The following TMEM168 variants were observed in gnomAD, a reference collection of about 807,000 sequenced individuals.
The protein encoded by TMEM168 is transmembrane protein 168.
Under a neutral mutation model 53.2 loss-of-function variants are expected in TMEM168, and 40 were observed. The ratio of observed to expected loss-of-function variants is 0.75; its 90% CI spans 0.58 to 0.98. The LOEUF is 0.98. TMEM168 is among the 50% of genes least tolerant of loss of function. The probability of loss-of-function intolerance (pLI) is 0.00; values close to 1 mark genes in which losing one functional copy is unlikely to be tolerated. For synonymous variants in TMEM168, 282 were observed against 293.0 expected, an observed-to-expected ratio of 0.96 and a Z score of 0.38; for missense variants, 771 against 828.8, an observed-to-expected ratio of 0.93 and a Z score of 0.86.
At chr7:112,789,736 G>A (rs1245101724) in intron 1 of TMEM168, among the ~76,000 whole-genome samples, 1 of 152,214 alleles carries the variant, frequency 6.6e-6, no homozygotes, top group Non-Finnish European at 1.5e-5. Context: ...AAAAAACAGG[G>A]AATTTCAGTG....
chr7:112,764,490 T>G lies in TMEM168; in HGVS notation c.*2707A>C, dbSNP rs905617015. ...TAATATTTCTTTTCTACACCCTTAT[T>G]ATTTTTTTTGTTTGTTTCTTTTTTT... On this transcript the variant is annotated 3_prime_UTR_variant, in exon 5 of 5. Transcript: ENST00000312814. 2.7e-5 allele frequency: 4 copies of G among 149,888 alleles called. No individual in the cohort carries two copies. Among genetic ancestry groups the G allele is most frequent in the African/African-American group, 1.0e-4 (4 of 39,496 alleles). The allele number at this position is 149,888 out of a possible 1,614,324, so 9.3% of individuals were successfully genotyped here.
At chr7:112,779,410 T>C (rs1165238175) in intron 2 of TMEM168, among the ~76,000 whole-genome samples, 3 of 152,224 alleles carry the variant, frequency 2.0e-5, no homozygotes, top group African/African-American at 7.2e-5. Context: ...TTTTGTCTGC[T>C]TGCCACTTTC....
rs894230906 is a variant in TMEM168, at chr7:112,783,773, A to G, written c.1053T>C (p.His351=). The G allele has an allele frequency of 6.3e-7, 1 of 1,581,514 alleles. No individual in the cohort carries two copies. Among genetic ancestry groups the G allele is most frequent in the African/African-American group, 1.4e-5 (1 of 73,292 alleles). ...CCAACTGCTCTGAAATCAAGCAAAA[A>G]TGGCGCATCCCTTTGGATGCCATGA... ...DRIMASKGMR[H]FCLISEQLVF... The change falls in exon 2 of 5, where the codon CAT becomes CAC. Residue 351 remains histidine (H), a synonymous_variant. Coordinates refer to ENST00000312814, the MANE Select transcript of TMEM168 (RefSeq NM_022484.6).
chr7:112,784,970 A>C lies in TMEM168; in HGVS notation c.-128-17T>G, dbSNP rs1793341247. On this transcript the variant is annotated splice_polypyrimidine_tract_variant and intron_variant, in intron 1 of 4. Transcript: ENST00000312814. ...TATAGTGATCTAAAAAGAAGAAAACAATATTTCAGAGTTAATTTTATATAA... is the reference window on the plus strand; with the variant it reads ...TATAGTGATCTAAAAAGAAGAAAACCATATTTCAGAGTTAATTTTATATAA... 1 of 575,320 alleles carries C rather than the reference A, an allele frequency of 1.7e-6. No individual in the cohort carries two copies. The highest frequency in any genetic ancestry group is 1.9e-5 in the African/African-American group (1 of 51,688). The allele number at this position is 575,320 out of a possible 1,614,324, so 35.6% of individuals were successfully genotyped here.
At chr7:112,788,089 C>T (rs200872329) in intron 1 of TMEM168, among the ~76,000 whole-genome samples, 2 of 152,096 alleles carry the variant, frequency 1.3e-5, no homozygotes, top group East Asian at 3.9e-4. Context: ...CCTTCCAAAC[C>T]ATTCCTTTTT....
chr7:112,782,198 G>C (rs1271246074), intron 2 of TMEM168, among the ~76,000 whole-genome samples: 1 of 152,162 alleles, frequency 6.6e-6, no homozygotes. Flanking sequence ...TTCTCAAGTA[G>C]ATCAACTTTA....
At chr7:112,771,412 G>A (rs1247614897) in intron 4 of TMEM168, among the ~76,000 whole-genome samples, 2 of 152,056 alleles carry the variant, frequency 1.3e-5, no homozygotes, top group African/African-American at 2.4e-5. Flanking sequence ...CCATTTCATC[G>A]TTTGAAAAAT....
rs1230991803 is a variant in TMEM168, at chr7:112,763,072, G to A, written c.*4125C>T. The A allele has an allele frequency of 1.3e-5, 2 of 151,964 alleles. No individual in the cohort carries two copies. Among genetic ancestry groups the A allele is most frequent in the East Asian group, 3.9e-4 (2 of 5,184 alleles). The allele number at this position is 151,964 out of a possible 1,614,324, so 9.4% of individuals were successfully genotyped here. On this transcript the variant is annotated 3_prime_UTR_variant, in exon 5 of 5. Transcript: ENST00000312814. ...TTCCAATCTGTCTAGATATAATAGT[G>A]AGGAAATGAATGATTCAATCTTAAT...
Position 112,784,416 on chromosome 7 carries a change from C to A in TMEM168, c.410G>T (p.Cys137Phe). 1 of 1,614,082 alleles carries A rather than the reference C, an allele frequency of 6.2e-7. No individual in the cohort carries two copies. Among genetic ancestry groups the A allele is most frequent in the Non-Finnish European group, 8.5e-7 (1 of 1,179,998 alleles). The change falls in exon 2 of 5, where the codon TGC becomes TTC. Residue 137 changes from cysteine to phenylalanine, a missense_variant. By Grantham distance (205) the Cys-to-Phe change is radical. Coordinates refer to ENST00000312814, the MANE Select transcript of TMEM168 (RefSeq NM_022484.6). ...LLTSIVLRIL[C>F]SLVERISGYV... ...ACCAGAAATTCTCTCCACCAGAGAGCACAATATCCTTAACACTATGGATGT... is the reference window on the plus strand; with the variant it reads ...ACCAGAAATTCTCTCCACCAGAGAGAACAATATCCTTAACACTATGGATGT...
In TMEM168 at chr7:112,766,843, T is replaced by A. The variant is rs1792792355; in HGVS notation, c.*354A>T. The stretch of plus-strand genomic sequence containing the variant: ...TATCTGGTCTACATTCTCTAAACTA[T>A]TATTATATGCCTAGAAAATAAGGCA... On this transcript the variant is annotated 3_prime_UTR_variant, in exon 5 of 5. Transcript: ENST00000312814. 1 of 183,598 alleles carries A rather than the reference T, an allele frequency of 5.4e-6. No individual in the cohort carries two copies. Among genetic ancestry groups the A allele is most frequent in the Admixed American group, 5.6e-5 (1 of 17,722 alleles). 11.4% of individuals were successfully genotyped at this position (183,598 alleles called of 1,614,324 possible).
intron 1 of TMEM168, among the ~76,000 whole-genome samples, chr7:112,785,194 C>T (rs1442604759): frequency 1.3e-5 from 2 of 152,132 alleles, no homozygotes; most frequent in African/African-American, 2.4e-5. Flanking sequence ...ACTGTTCTTC[C>T]AGAGATGGTG....
At chr7:112,769,420 A>G (rs1211551555) in intron 4 of TMEM168, among the ~76,000 whole-genome samples, 1 of 152,182 alleles carries the variant, frequency 6.6e-6, no homozygotes, top group Non-Finnish European at 1.5e-5. Context: ...AAGATGACAC[A>G]GATTACAAGA....
chr7:112,787,713 A>ATTTTTTTTTTTTTTTTTTTTTTT (rs71155069), intron 1 of TMEM168, among the ~76,000 whole-genome samples: 3 of 38,788 alleles, frequency 7.7e-5, no homozygotes, highest in African/African-American at 1.1e-4. Flanking sequence ...TGCGACTGGC[A>ATTTTTTTTTTTTTTTTTTTTTTT]TTTTTTTTTT....
intron 2 of TMEM168, among the ~76,000 whole-genome samples, chr7:112,780,777 G>A (rs1246928679): frequency 6.6e-6 from 1 of 152,058 alleles, no homozygotes; most frequent in Non-Finnish European, 1.5e-5. Context: ...TTACGAATAT[G>A]ACATTCTGGA....
At chr7:112,769,950 G>A (rs369301491) in intron 4 of TMEM168, among the ~76,000 whole-genome samples, 5 of 152,102 alleles carry the variant, frequency 3.3e-5, no homozygotes, top group African/African-American at 1.2e-4. Context: ...TTCCCACAGC[G>A]ATATTAATAC....
Position 112,765,790 on chromosome 7 carries a change from A to G in TMEM168, c.*1407T>C, listed in dbSNP as rs139465829. 2.0e-5 allele frequency: 3 copies of G among 151,952 alleles called. No individual in the cohort carries two copies. The highest frequency in any genetic ancestry group is 3.9e-4 in the East Asian group (2 of 5,186). The allele number at this position is 151,952 out of a possible 1,614,324, so 9.4% of individuals were successfully genotyped here. A position where few individuals can be genotyped will look rare whatever the true frequency, so the allele number is the denominator to read the frequency against. On this transcript the variant is annotated 3_prime_UTR_variant, in exon 5 of 5. Transcript: ENST00000312814. ...GGAAAATCATATTCAAAACACAGAA[A>G]TAATCAGACTATAACAATGCTGCAT...
In TMEM168 at chr7:112,783,755, C is replaced by A; in HGVS notation, c.1071G>T (p.Glu357Asp). Residue 357 changes from glutamate to aspartate, a missense_variant, in exon 2 of 5, where the codon GAG (glutamate) becomes GAT (aspartate). Glu to Asp is a conservative substitution (Grantham distance 45). Coordinates refer to ENST00000312814, the MANE Select transcript of TMEM168 (RefSeq NM_022484.6). ...CAAGAAGACTAAAGAACACCAACTG[C>A]TCTGAAATCAAGCAAAAATGGCGCA... is the stretch of plus-strand genomic sequence containing the variant. ...KGMRHFCLIS[E>D]QLVFFSLLAT... 6.3e-7 allele frequency: 1 copy of A among 1,577,384 alleles called. No homozygotes were observed. Among genetic ancestry groups the A allele is most frequent in the African/African-American group, 1.4e-5 (1 of 73,226 alleles).
chr7:112,777,152 T>C lies in TMEM168; in HGVS notation c.1129-1834A>G, dbSNP rs79670246. Among the ~76,000 whole-genome samples, 269 of 152,316 alleles carry C rather than the reference T, an allele frequency of 1.8e-3. 2 individuals carry two copies. Among genetic ancestry groups the C allele is most frequent in the Middle Eastern group, 6.8e-3 (2 of 294 alleles). ...GCTGTTTTTTGCTTAACATGAGTTC[T>C]TAATTATAATATAGTCACTTTATGC... On this transcript the variant is annotated intron_variant, in intron 2 of 4. Transcript: ENST00000312814.
intron 4 of TMEM168, among the ~76,000 whole-genome samples, chr7:112,769,167 ATTCT>A (rs1792866803): frequency 6.6e-6 from 1 of 152,214 alleles, no homozygotes; most frequent in Non-Finnish European, 1.5e-5. Context: ...ATTCTATCAT[ATTCT>A]TTATGTGTCA....
Sources: gnomAD v4.1 joint callset for allele counts (sites outside exome capture counted in the v4.1 genomes callset) on GRCh38, gnomAD v4.1.1 for gene constraint, MANE v1.5 for transcripts, NCBI Gene and HGNC (gene_info 2026-07-23, HGNC 2026-07-21) for gene names.